Variants in MTRFR observed in about 807,000 individuals in gnomAD.
MTRFR encodes mitochondrial translation release factor in rescue.
A neutral mutation model predicts 11.9 loss-of-function variants in MTRFR; 10 were observed. That is an observed-to-expected ratio of 0.84 (90% CI 0.52 to 1.42). MTRFR has a LOEUF of 1.42. Ranked by LOEUF, MTRFR falls within the 40% of genes most tolerant of loss-of-function variation. MTRFR has a pLI of 0.00. For missense variants in MTRFR, 196 were observed against 197.9 expected (o/e 0.99, Z 0.06); for synonymous variants, 77 against 79.1 (o/e 0.97, Z 0.14).
chr12:123,253,986 G>A (rs972052505), intron 2 of MTRFR, 30 bp downstream of exon 2: 41 of 1,612,252 alleles, frequency 2.5e-5, no homozygotes, highest in Middle Eastern at 1.6e-4. Context: ...TGAGGGGAGA[G>A]GCCCCGCCCA....
chr12:123,244,726 G>C (rs900203155), intron 1 of MTRFR, among the ~76,000 whole-genome samples: 20 of 151,870 alleles, frequency 1.3e-4, no homozygotes, highest in Admixed American at 1.3e-3. Flanking sequence ...TCCGCCTCAT[G>C]GGTTCAAGCG....
Position 123,245,379 on chromosome 12 carries a change from C to T in MTRFR, c.-28-8268C>T, listed in dbSNP as rs887122949. Reference sequence around the variant, plus strand: ...GGCTATGTGGGCTCTATTTTGGTTCCGTATGAATTTTAGATTTTTTTTTCT... The same window carrying T: ...GGCTATGTGGGCTCTATTTTGGTTCTGTATGAATTTTAGATTTTTTTTTCT... On this transcript the variant is annotated intron_variant, in intron 1 of 2. Coordinates refer to ENST00000253233, the MANE Select transcript of MTRFR (RefSeq NM_152269.5). Among the ~76,000 whole-genome samples the T allele has an allele frequency of 3.9e-5, 6 of 152,070 alleles. No individual in the cohort carries two copies. The Middle Eastern group carries it at 0.014, about 345-fold the overall frequency.
At chr12:123,240,146 C>T (rs2047908713) in intron 1 of MTRFR, among the ~76,000 whole-genome samples, 1 of 149,666 alleles carries the variant, frequency 6.7e-6, no homozygotes, top group Admixed American at 6.7e-5. Flanking sequence ...TGTGGATCAT[C>T]TGAGGTCAGG....
intron 2 of MTRFR, 191 bp downstream of exon 2, chr12:123,254,147 GA>G: frequency 1.6e-6 from 1 of 640,070 alleles, no homozygotes; most frequent in Non-Finnish European, 2.6e-6. Context: ...CCCTAAGGCA[GA>G]ACCTCCTACA....
chr12:123,256,320 G>C (rs2048181865), intron 2 of MTRFR, among the ~76,000 whole-genome samples: 1 of 152,164 alleles, frequency 6.6e-6, no homozygotes, highest in African/African-American at 2.4e-5. Flanking sequence ...AAACAAAATA[G>C]CACTCCTAAT....
Position 123,256,980 on chromosome 12 carries a change from A to G in MTRFR, c.450A>G (p.Glu150=), listed in dbSNP as rs774513922. The change falls in exon 3 of 3, where the codon GAA becomes GAG. Residue 150 remains glutamate, a synonymous_variant. Transcript: ENST00000253233. ...ERKKRAKETL[E]KKKLLKELWE... is the part of the protein sequence containing the mutation. ...AAAAAAGAGCAAAGGAAACCCTGGA[A>G]AAAAAGAAGCTACTTAAAGAACTGT... is the stretch of plus-strand genomic sequence containing the variant. 3.1e-6 allele frequency: 5 copies of G among 1,612,114 alleles called. No individual in the cohort carries two copies. The highest frequency in any genetic ancestry group is 4.2e-6 in the Non-Finnish European group (5 of 1,179,690).
chr12:123,241,194 G>A (rs2047931443), intron 1 of MTRFR, among the ~76,000 whole-genome samples: 1 of 149,072 alleles, frequency 6.7e-6, no homozygotes, highest in South Asian at 2.1e-4. Flanking sequence ...GTCTCACTAT[G>A]TTGCCCAAGC....
At chr12:123,245,240 G>A (rs975638714) in intron 1 of MTRFR, among the ~76,000 whole-genome samples, 4 of 152,086 alleles carry the variant, frequency 2.6e-5, no homozygotes, top group South Asian at 2.1e-4. Context: ...CTGGCCCTAC[G>A]TGCCTATTTT....
At chr12:123,247,084 C>G (rs1161974021) in intron 1 of MTRFR, among the ~76,000 whole-genome samples, 1 of 152,098 alleles carries the variant, frequency 6.6e-6, no homozygotes, top group Non-Finnish European at 1.5e-5. Flanking sequence ...CATATGATCT[C>G]TCTTGGAGAA....
rs1230817089 is a variant in MTRFR, at chr12:123,251,583, T to C, written c.-28-2064T>C. On this transcript the variant is annotated intron_variant, in intron 1 of 2. Transcript: ENST00000253233. ...TTAGCTCCAGGTAAAGTTGGAAATT[T>C]CTCCTGCAAACAGACCTTCAGCCTC... 4 of 152,458 alleles carry C rather than the reference T, an allele frequency of 2.6e-5. No individual in the cohort carries two copies. The East Asian group carries it at 7.7e-4, about 29-fold the overall frequency. The allele number at this position is 152,458 out of a possible 1,614,324, so 9.4% of individuals were successfully genotyped here. A position where few individuals can be genotyped will look rare whatever the true frequency, so the allele number is the denominator to read the frequency against.
chr12:123,252,465 T>G (rs1481824728), intron 1 of MTRFR: 1 of 151,394 alleles, frequency 6.6e-6, no homozygotes, highest in African/African-American at 2.4e-5. Flanking sequence ...ACTTGGTAGT[T>G]CCAACGATGA....
At chr12:123,237,399 T>C (rs966754233) in intron 1 of MTRFR, among the ~76,000 whole-genome samples, 2 of 152,182 alleles carry the variant, frequency 1.3e-5, no homozygotes, top group Non-Finnish European at 2.9e-5. Flanking sequence ...CATTGCACTC[T>C]AGCCTGGGTG....
At chr12:123,244,394 C>T (rs1488496280) in intron 1 of MTRFR, among the ~76,000 whole-genome samples, 3 of 152,036 alleles carry the variant, frequency 2.0e-5, no homozygotes, top group Non-Finnish European at 2.9e-5. Context: ...ATCGCGCCAT[C>T]GCACTCCAGC....
At position 123,256,836 on chromosome 12, in the gene MTRFR, TCAGAA is replaced by T. The variant is rs1387463753; in HGVS notation, c.312_316del (p.Asn104LysfsTer18). ...AGTGCCATCAGACAAGATCAGTTGA[TCAGAA>T]CAGAAAGCTAGCTCGGAAAATCCTA... On this transcript the variant is annotated frameshift_variant, in exon 3 of 3. Coordinates refer to ENST00000253233, the MANE Select transcript of MTRFR (RefSeq NM_152269.5). LOFTEE classifies it high-confidence loss of function. The T allele has an allele frequency of 1.2e-6, 2 of 1,613,258 alleles. No homozygotes were observed. The highest frequency in any genetic ancestry group is 2.2e-5 in the South Asian group (2 of 91,040).
chr12:123,247,867 C>G (rs2048064618), intron 1 of MTRFR, among the ~76,000 whole-genome samples: 1 of 151,954 alleles, frequency 6.6e-6, no homozygotes, highest in Non-Finnish European at 1.5e-5. Context: ...ATGGCATGAA[C>G]CTGGGAGGCG....
At position 123,233,963 on chromosome 12, in the gene MTRFR, GT is replaced by G. The variant is rs979197568; in HGVS notation, c.-29+442del. ...TTGCTAGGCTTTTGCGGAGATACTC[GT>G]TTTTTTTTTAATAGACGTGGGGTGG... On this transcript the variant is annotated intron_variant, in intron 1 of 2. Coordinates refer to ENST00000253233, the MANE Select transcript of MTRFR (RefSeq NM_152269.5). 209 of 148,648 alleles carry G rather than the reference GT, an allele frequency of 1.4e-3. 4 individuals are homozygous for G. The East Asian group carries it at 0.031, about 22-fold the overall frequency. 9.2% of individuals were successfully genotyped at this position (148,648 alleles called of 1,614,324 possible).
chr12:123,255,635 T>C (rs1219204484), intron 2 of MTRFR, among the ~76,000 whole-genome samples: 1 of 152,004 alleles, frequency 6.6e-6, no homozygotes, highest in Non-Finnish European at 1.5e-5. Flanking sequence ...TTTGTTTCGT[T>C]TTGTTTTTTG....
chr12:123,257,827 G>A lies in MTRFR; in HGVS notation c.*796G>A, dbSNP rs1019755992. On this transcript the variant is annotated 3_prime_UTR_variant, in exon 3 of 3. Coordinates refer to ENST00000253233, the MANE Select transcript of MTRFR (RefSeq NM_152269.5). ...GAGGGGTTCTGGGGTGCCTGACAAA[G>A]TTCTGTTTCTTCACCTGGGTGGTAG... 4 of 152,244 alleles carry A rather than the reference G, an allele frequency of 2.6e-5. No individual in the cohort carries two copies. The highest frequency in any genetic ancestry group is 7.2e-5 in the African/African-American group (3 of 41,450). The allele number at this position is 152,244 out of a possible 1,614,324, so 9.4% of individuals were successfully genotyped here.
intron 1 of MTRFR, 173 bp from the exon 2 acceptor site, chr12:123,253,474 C>G (rs577882487): frequency 1.5e-6 from 1 of 645,550 alleles, no homozygotes; most frequent in Admixed American, 2.4e-5. Flanking sequence ...CAGTGCAAGG[C>G]TGAGGAGAGG....
Sources: gnomAD v4.1 joint callset for allele counts (sites outside exome capture counted in the v4.1 genomes callset) on GRCh38, gnomAD v4.1.1 for gene constraint, MANE v1.5 for transcripts, NCBI Gene and HGNC (gene_info 2026-07-23, HGNC 2026-07-21) for gene names.